Variants in ZNF75D observed in about 807,000 individuals in gnomAD.
ZNF75D encodes the protein zinc finger protein 75D.
In ZNF75D, 33 loss-of-function variants were observed where a neutral mutation model predicts 33.3. The observed-to-expected ratio is 0.99, with a 90% confidence interval of 0.75 to 1.32. The LOEUF (loss-of-function observed/expected upper bound fraction) is 1.32. Among genes scored for constraint, ZNF75D ranks in the 40% most tolerant of loss-of-function variants. ZNF75D has a pLI of 0.00. For synonymous variants in ZNF75D, 113 were observed against 130.6 expected, an observed-to-expected ratio of 0.87 and a Z score of 0.92; for missense variants, 338 against 367.5, an observed-to-expected ratio of 0.92 and a Z score of 0.66.
At chrX:135,256,532 A>G (rs1443392122) in intron 1 of ZNF75D, among the ~76,000 whole-genome samples, 1 of 111,762 alleles carries the variant, frequency 8.9e-6, no homozygotes, top group African/African-American at 3.3e-5. Context: ...AGCGCTCTAG[A>G]GTCCTGTGTA....
At chrX:135,271,526 C>A (rs2083883024) in intron 1 of ZNF75D, among the ~76,000 whole-genome samples, 2 of 111,917 alleles carry the variant, frequency 1.8e-5, no homozygotes. Flanking sequence ...TCTCCTGAAC[C>A]AGAAGTGACT....
At chrX:135,289,840 C>T (rs1206926696) in intron 6 of ZNF75D, among the ~76,000 whole-genome samples, 4 of 111,808 alleles carry the variant, frequency 3.6e-5, no homozygotes, top group African/African-American at 1.3e-4. Flanking sequence ...GTGTGATCTG[C>T]TCTATTTTCA....
At position 135,314,605 on chromosome X, in the gene ZNF75D, C is replaced by T. The variant is rs782053957; in HGVS notation, c.-390-18566G>A. On this transcript the variant is annotated intron_variant, in intron 1 of 6. Coordinates refer to ENST00000370766, the MANE Select transcript of ZNF75D (RefSeq NM_007131.5). ...AGAATTCAGCAATGAACCTATCCAACCCCAGACTTTTCTTTGTTGGGAGAT... is the reference window on the plus strand; with the variant it reads ...AGAATTCAGCAATGAACCTATCCAATCCCAGACTTTTCTTTGTTGGGAGAT... Among the ~76,000 whole-genome samples the T allele has an allele frequency of 5.4e-5, 6 of 111,319 alleles. No individual in the cohort carries two copies. In the South Asian group the frequency reaches 1.9e-3, roughly 35 times the overall value.
chrX:135,323,258 A>C (rs1349971722), intron 1 of ZNF75D, among the ~76,000 whole-genome samples: 5 of 111,898 alleles, frequency 4.5e-5, no homozygotes, highest in Non-Finnish European at 5.6e-5. Flanking sequence ...TCCTTATGGC[A>C]ATGATTGCTT....
intron 1 of ZNF75D, among the ~76,000 whole-genome samples, chrX:135,277,865 G>C (rs979596597): frequency 1.8e-5 from 2 of 112,266 alleles, no homozygotes; most frequent in East Asian, 5.6e-4. Context: ...TTTGGTACCA[G>C]TACCATGCTG....
intron 1 of ZNF75D, among the ~76,000 whole-genome samples, chrX:135,321,382 C>T (rs189359568): frequency 1.3e-4 from 15 of 112,000 alleles, no homozygotes; most frequent in African/African-American, 4.5e-4. Flanking sequence ...TAAATAGATT[C>T]CAGAATTGTT....
chrX:135,292,520 T>A (rs1201195346), intron 3 of ZNF75D, 47 bp from the exon 4 acceptor site: 12 of 1,145,857 alleles, frequency 1.0e-5, no homozygotes, highest in Non-Finnish European at 1.3e-5. Flanking sequence ...ACTTTTGGTT[T>A]TGGGGTGGTA....
chrX:135,256,238 G>C (rs2083798770), intron 1 of ZNF75D, among the ~76,000 whole-genome samples: 1 of 80,964 alleles, frequency 1.2e-5, no homozygotes, highest in African/African-American at 4.6e-5. Flanking sequence ...GCATTGCACA[G>C]GGCAAGAGAG....
rs1129093 is a variant in ZNF75D at position 135,287,236 on chromosome X, C to T, written c.1434G>A (p.Thr478=). The change falls in exon 7 of 7, where the codon ACG becomes ACA. Residue 478 remains threonine, a synonymous_variant. Coordinates refer to ENST00000370766, the MANE Select transcript of ZNF75D (RefSeq NM_007131.5). ...TAAAGTTTCTCTTGCATAAGCTACA[C>T]GTATAAGGCTGCTCACCTGTGTGAG... ...QRTHTGEQPY[T]CSLCKRNFSR... 0.36 allele frequency: 436,427 copies of T among 1,209,169 alleles called. 59,305 individuals are homozygous for T. The highest frequency in any genetic ancestry group is 0.41 in the Non-Finnish European group (370,644 of 894,697).
At chrX:135,256,497 C>T (rs529341919) in intron 1 of ZNF75D, among the ~76,000 whole-genome samples, 1 of 112,150 alleles carries the variant, frequency 8.9e-6, no homozygotes, top group South Asian at 3.7e-4. Context: ...TGAGCTTCTT[C>T]TCAAGCCTCG....
intron 1 of ZNF75D, among the ~76,000 whole-genome samples, chrX:135,338,213 C>T (rs782802148): frequency 2.7e-5 from 3 of 111,128 alleles, no homozygotes; most frequent in Non-Finnish European, 5.7e-5. Context: ...TCCTGTTCTG[C>T]ACTGTCTTCT....
chrX:135,332,564 GC>G (rs2084663789), intron 1 of ZNF75D, among the ~76,000 whole-genome samples: 2 of 111,975 alleles, frequency 1.8e-5, no homozygotes, highest in African/African-American at 6.5e-5. Flanking sequence ...GGACTGCCCA[GC>G]CTCCAGAACT....
rs2083945769 is a variant in ZNF75D, at chrX:135,286,027, A to T, written c.*1110T>A. The T allele has an allele frequency of 1.8e-5, 2 of 112,206 alleles. No homozygotes were observed. The highest frequency in any genetic ancestry group is 3.8e-5 in the Non-Finnish European group (2 of 53,250). 9.2% of individuals were successfully genotyped at this position (112,206 alleles called of 1,213,427 possible). A position where few individuals can be genotyped will look rare whatever the true frequency, so the allele number is the denominator to read the frequency against. ...TAATAGGGAAAAGAAAACCAGTAAC[A>T]TCAGAAAACAATTTCCATCTGGCCT... On this transcript the variant is annotated 3_prime_UTR_variant, in exon 7 of 7. Transcript: ENST00000370766.
At chrX:135,300,203 T>G (rs1275110416) in intron 1 of ZNF75D, among the ~76,000 whole-genome samples, 1 of 112,047 alleles carries the variant, frequency 8.9e-6, no homozygotes, top group Non-Finnish European at 1.9e-5. Context: ...ATCTTCTTTT[T>G]GCAGCAGAAT....
chrX:135,338,100 A>T (rs782437165), intron 1 of ZNF75D, among the ~76,000 whole-genome samples: 1 of 111,322 alleles, frequency 9.0e-6, no homozygotes, highest in African/African-American at 3.3e-5. Context: ...AGACACAATG[A>T]GCAGAGGAGG....
chrX:135,313,199 A>T (rs1487285816), intron 1 of ZNF75D, among the ~76,000 whole-genome samples: 1 of 111,272 alleles, frequency 9.0e-6, no homozygotes, highest in Non-Finnish European at 1.9e-5. Flanking sequence ...TAATTTCCTT[A>T]CTGCACATAT....
chrX:135,289,841 T>C (rs1278911002), intron 6 of ZNF75D, among the ~76,000 whole-genome samples: 5 of 112,001 alleles, frequency 4.5e-5, no homozygotes, highest in African/African-American at 1.6e-4. Flanking sequence ...TGTGATCTGC[T>C]CTATTTTCAT....
At chrX:135,288,724 T>C (rs2083993093) in intron 6 of ZNF75D, among the ~76,000 whole-genome samples, 1 of 112,237 alleles carries the variant, frequency 8.9e-6, no homozygotes, top group African/African-American at 3.2e-5. Flanking sequence ...ATTTGCAAAA[T>C]AATTGACATT....
rs1219120198 is a variant in ZNF75D at position 135,286,092 on chromosome X, C to G, written c.*1045G>C. The G allele has an allele frequency of 8.9e-6, 1 of 112,349 alleles. No homozygotes were observed. Among genetic ancestry groups the G allele is most frequent in the Non-Finnish European group, 1.9e-5 (1 of 53,274 alleles). The allele number at this position is 112,349 out of a possible 1,213,427, so 9.3% of individuals were successfully genotyped here. A position where few individuals can be genotyped will look rare whatever the true frequency, so the allele number is the denominator to read the frequency against. ...TCATCACTGTGAGCCATATGCCTTA[C>G]TTTTCTCTGACACTTCAGGATGTTC... On this transcript the variant is annotated 3_prime_UTR_variant, in exon 7 of 7. Transcript: ENST00000370766.
Sources: allele counts gnomAD v4.1 joint callset (sites outside exome capture counted in the v4.1 genomes callset), GRCh38; gene constraint gnomAD v4.1.1; transcripts MANE v1.5; gene names NCBI Gene and HGNC (gene_info 2026-07-23, HGNC 2026-07-21).